The following GRAMD1B variants were observed in gnomAD, a reference collection of about 807,000 sequenced individuals.
The protein encoded by GRAMD1B is protein Aster-B.
GRAMD1B carries 37 observed loss-of-function variants against 99.7 expected under a neutral mutation model. The ratio of observed to expected loss-of-function variants is 0.37; its 90% CI spans 0.29 to 0.49. GRAMD1B has a LOEUF of 0.49. GRAMD1B is among the 20% of genes least tolerant of loss of function. The pLI is 0.98. For synonymous variants in GRAMD1B, 427 were observed against 387.6 expected (o/e 1.10, Z -1.19); for missense variants, 888 against 1,009.2 (o/e 0.88, Z 1.63).
chr11:123,562,000 C>T (rs551764943), intron 2 of GRAMD1B, among the ~76,000 whole-genome samples: 68 of 152,210 alleles, frequency 4.5e-4, no homozygotes, highest in African/African-American at 1.6e-3. Context: ...ATTTAAGCAA[C>T]TGCAAAACAA....
At chr11:123,615,253 A>C (rs1208531119) in intron 17 of GRAMD1B, among the ~76,000 whole-genome samples, 1 of 152,256 alleles carries the variant, frequency 6.6e-6, no homozygotes, top group Non-Finnish European at 1.5e-5. Context: ...CTGTGCACTC[A>C]TGGAGCCCAC....
intron 2 of GRAMD1B, among the ~76,000 whole-genome samples, chr11:123,530,141 G>A (rs1032834367): frequency 2.6e-5 from 4 of 152,112 alleles, no homozygotes; most frequent in African/African-American, 9.7e-5. Flanking sequence ...CTGTTTAGGA[G>A]GATAAGCACT....
At chr11:123,571,411 C>G (rs574545894) in intron 2 of GRAMD1B, among the ~76,000 whole-genome samples, 64 of 152,298 alleles carry the variant, frequency 4.2e-4, no homozygotes, top group Admixed American at 2.4e-3. Context: ...GAAGAGAGTC[C>G]TCATCCTCTT....
intron 1 of GRAMD1B, among the ~76,000 whole-genome samples, chr11:123,410,553 C>T (rs1176089560): frequency 6.6e-6 from 1 of 152,078 alleles, no homozygotes; most frequent in Non-Finnish European, 1.5e-5. Flanking sequence ...TACACAAGAC[C>T]CTGGAACCAG....
At chr11:123,555,474 A>C (rs541422910) in intron 2 of GRAMD1B, among the ~76,000 whole-genome samples, 3 of 151,962 alleles carry the variant, frequency 2.0e-5, no homozygotes, top group South Asian at 2.1e-4. Context: ...TCAGCCTCCC[A>C]AGTAGCTGGG....
chr11:123,620,472 C>CAAAAAAAAAAAAAAAAAAAA (rs55787871), intron 19 of GRAMD1B, among the ~76,000 whole-genome samples: 1 of 69,232 alleles, frequency 1.4e-5, no homozygotes, highest in Non-Finnish European at 2.5e-5. Flanking sequence ...GACTTCATCT[C>CAAAAAAAAAAAAAAAAAAAA]AAAAAAAAAA....
At chr11:123,384,926 T>G (rs1947005319) in intron 1 of GRAMD1B, among the ~76,000 whole-genome samples, 1 of 152,226 alleles carries the variant, frequency 6.6e-6, no homozygotes, top group Non-Finnish European at 1.5e-5. Context: ...TTAATAGGTG[T>G]GGCTGTGTTT....
chr11:123,432,795 G>A (rs1041766210), intron 1 of GRAMD1B, among the ~76,000 whole-genome samples: 2 of 152,150 alleles, frequency 1.3e-5, no homozygotes, highest in African/African-American at 4.8e-5. Flanking sequence ...GAAACAGGAT[G>A]AGCCATGTGT....
chr11:123,438,316 C>T (rs1447988953), intron 1 of GRAMD1B, among the ~76,000 whole-genome samples: 1 of 152,174 alleles, frequency 6.6e-6, no homozygotes, highest in Non-Finnish European at 1.5e-5. Flanking sequence ...AGCCTGAGCT[C>T]ATTACAGCTC....
intron 2 of GRAMD1B, among the ~76,000 whole-genome samples, chr11:123,576,496 C>T (rs1484338570): frequency 2.0e-5 from 3 of 152,232 alleles, no homozygotes; most frequent in Non-Finnish European, 4.4e-5. Context: ...TTCTGTCTCT[C>T]ATCTCTTCTT....
intron 1 of GRAMD1B, among the ~76,000 whole-genome samples, chr11:123,418,560 T>C (rs1219963002): frequency 6.6e-6 from 1 of 152,204 alleles, no homozygotes; most frequent in Non-Finnish European, 1.5e-5. Context: ...GAGTGAATGT[T>C]CTGGGCAAAG....
chr11:123,518,644 C>T (rs1021515513), intron 2 of GRAMD1B, among the ~76,000 whole-genome samples: 1 of 152,172 alleles, frequency 6.6e-6, no homozygotes, highest in Admixed American at 6.5e-5. Flanking sequence ...GATAACTAGA[C>T]CTCACTAAGC....
intron 2 of GRAMD1B, among the ~76,000 whole-genome samples, chr11:123,565,967 G>A (rs903378087): frequency 6.6e-6 from 1 of 152,212 alleles, no homozygotes; most frequent in Non-Finnish European, 1.5e-5. Context: ...GTAGGAACTA[G>A]CTGAATATAT....
intron 9 of GRAMD1B, among the ~76,000 whole-genome samples, chr11:123,604,937 G>A (rs565450384): frequency 5.9e-5 from 9 of 152,294 alleles, no homozygotes; most frequent in East Asian, 1.9e-4. Flanking sequence ...CTTCGTCACC[G>A]TTTGGGAAAG....
intron 1 of GRAMD1B, among the ~76,000 whole-genome samples, chr11:123,407,613 T>G (rs1242690009): frequency 1.3e-5 from 2 of 152,218 alleles, no homozygotes; most frequent in African/African-American, 2.4e-5. Flanking sequence ...CATTTCTGTC[T>G]GGGTTATAGC....
intron 1 of GRAMD1B, among the ~76,000 whole-genome samples, chr11:123,398,078 G>C (rs1947530819): frequency 6.6e-6 from 1 of 152,134 alleles, no homozygotes; most frequent in Non-Finnish European, 1.5e-5. Flanking sequence ...ACATGAATTT[G>C]TTCCTCTAGA....
chr11:123,442,179 G>T (rs538505765), intron 1 of GRAMD1B, among the ~76,000 whole-genome samples: 2 of 152,182 alleles, frequency 1.3e-5, no homozygotes, highest in African/African-American at 4.8e-5. Context: ...GATTCCACAG[G>T]TTCAGGGCTC....
At chr11:123,521,403 G>A (rs1328756218) in intron 2 of GRAMD1B, among the ~76,000 whole-genome samples, 1 of 152,094 alleles carries the variant, frequency 6.6e-6, no homozygotes, top group Non-Finnish European at 1.5e-5. Flanking sequence ...TCATTGGTTT[G>A]TAGGGATTTT....
intron 2 of GRAMD1B, among the ~76,000 whole-genome samples, chr11:123,537,682 C>T (rs1366052087): frequency 6.6e-6 from 1 of 152,198 alleles, no homozygotes; most frequent in East Asian, 1.9e-4. Flanking sequence ...TTGATATAAA[C>T]AAGCAAAACA....
Sources: allele counts gnomAD v4.1 joint callset (sites outside exome capture counted in the v4.1 genomes callset), GRCh38; gene constraint gnomAD v4.1.1; transcripts MANE v1.5; gene names NCBI Gene and HGNC (gene_info 2026-07-23, HGNC 2026-07-21).